Variants in DUS2 observed in about 807,000 individuals in gnomAD.
DUS2 encodes the protein tRNA-dihydrouridine(20) synthase [NAD(P)+]-like.
DUS2 carries 52 observed loss-of-function variants against 71.3 expected under a neutral mutation model. That is an observed-to-expected ratio of 0.73 (90% CI 0.58 to 0.92). The LOEUF (loss-of-function observed/expected upper bound fraction) is 0.92. DUS2 is among the 40% of genes least tolerant of loss of function. The pLI is 0.00. For synonymous variants in DUS2, 204 were observed against 227.8 expected, an observed-to-expected ratio of 0.90 and a Z score of 0.94; for missense variants, 558 against 622.6, an observed-to-expected ratio of 0.90 and a Z score of 1.10.
intron 13 of DUS2, 43 bp from the exon 14 acceptor site, chr16:68,075,312 G>T (rs891276780): frequency 6.6e-7 from 1 of 1,505,894 alleles, no homozygotes. Context: ...CTGGATGCTG[G>T]CTCCGCTAAA....
At chr16:68,029,452 T>C (rs1371010873) in intron 2 of DUS2, among the ~76,000 whole-genome samples, 1 of 151,942 alleles carries the variant, frequency 6.6e-6, no homozygotes, top group Non-Finnish European at 1.5e-5. Flanking sequence ...ATTTACACTT[T>C]TTTTATTTTT....
intron 3 of DUS2, among the ~76,000 whole-genome samples, chr16:68,042,619 C>T (rs2033646912): frequency 6.6e-6 from 1 of 152,210 alleles, no homozygotes; most frequent in Non-Finnish European, 1.5e-5. Context: ...AAGGGATCCT[C>T]CTACTTCAGC....
At position 68,070,947 on chromosome 16, in the gene DUS2, T is replaced by A. The variant is rs772031214; in HGVS notation, c.649T>A (p.Ser217Thr). Residue 217 changes from serine (S) to threonine (T), a missense_variant, in exon 12 of 17, where the codon TCT becomes ACT. Physicochemically the swap from Ser to Thr is moderately conservative, Grantham distance 58. Transcript: ENST00000565263. The part of the protein sequence containing the change: ...LSIPVIANGG[S>T]HDHIQQYSDI... ...CCTCTGGTTGCTTTTTAGCGGAGGATCTCATGACCACATCCAACAGTATTC... is the reference window on the plus strand; with the variant it reads ...CCTCTGGTTGCTTTTTAGCGGAGGAACTCATGACCACATCCAACAGTATTC... 6.2e-7 allele frequency: 1 copy of A among 1,614,096 alleles called. No individual in the cohort carries two copies. The highest frequency in any genetic ancestry group is 1.1e-5 in the South Asian group (1 of 91,076).
intron 10 of DUS2, among the ~76,000 whole-genome samples, chr16:68,068,321 G>A (rs1186887188): frequency 1.3e-5 from 2 of 152,198 alleles, no homozygotes; most frequent in Admixed American, 1.3e-4. Context: ...TTGGGTTGAA[G>A]CCAGGAGGGA....
Position 68,040,658 on chromosome 16 carries a change from C to T in DUS2, c.126+2509C>T, listed in dbSNP as rs149291053. Among the ~76,000 whole-genome samples, 1,227 of 152,206 alleles carry T rather than the reference C, an allele frequency of 8.1e-3. 16 individuals are homozygous for T. The highest frequency in any genetic ancestry group is 0.028 in the African/African-American group (1,149 of 41,508). The stretch of plus-strand genomic sequence containing the variant: ...GACCTAAGCCTTCCACCCAGATCTG[C>T]CACCTATGGAGAGCAGACAGGCAGG... On this transcript the variant is annotated intron_variant, in intron 3 of 16. Coordinates refer to ENST00000565263, the MANE Select transcript of DUS2 (RefSeq NM_017803.5).
At chr16:68,042,525 C>T (rs1027316906) in intron 3 of DUS2, among the ~76,000 whole-genome samples, 2 of 151,952 alleles carry the variant, frequency 1.3e-5, no homozygotes, top group African/African-American at 4.8e-5. Context: ...CTCAAAAATG[C>T]TTGTTTGATT....
At chr16:68,052,133 T>C (rs2033787450) in intron 4 of DUS2, among the ~76,000 whole-genome samples, 1 of 151,882 alleles carries the variant, frequency 6.6e-6, no homozygotes, top group South Asian at 2.1e-4. Context: ...TCGAACTCCC[T>C]AACCTCAGGT....
Position 68,039,602 on chromosome 16 carries a change from T to C in DUS2, c.126+1453T>C, listed in dbSNP as rs2151414274. ...CCTGGCTAATTTCTTTTTGTATTTTTAGTAGAGACGGGGTTTCACTGTGTT... is the reference window on the plus strand; with the variant it reads ...CCTGGCTAATTTCTTTTTGTATTTTCAGTAGAGACGGGGTTTCACTGTGTT... On this transcript the variant is annotated intron_variant, in intron 3 of 16. Coordinates refer to ENST00000565263, the MANE Select transcript of DUS2 (RefSeq NM_017803.5). 2.6e-5 allele frequency among the ~76,000 whole-genome samples: 4 copies of C among 152,150 alleles called. 1 individual carries two copies. Among genetic ancestry groups the C allele is most frequent in the Admixed American group, 2.6e-4 (4 of 15,256 alleles).
intron 10 of DUS2, among the ~76,000 whole-genome samples, chr16:68,068,984 C>T (rs1189018678): frequency 6.6e-6 from 1 of 152,044 alleles, no homozygotes; most frequent in Non-Finnish European, 1.5e-5. Flanking sequence ...TTTGAAGAAG[C>T]CCTTTGTGAC....
chr16:68,023,304 A>C lies in DUS2; in HGVS notation c.-146A>C, dbSNP rs1176257889. ...GGCTCAGTACGGTGTGTGGAGCTGG[A>C]GCACCGTGAGGAAGAAGCGAGGTTC... On this transcript the variant is annotated 5_prime_UTR_variant, in exon 1 of 17. Transcript: ENST00000565263. 7 of 1,336,008 alleles carry C rather than the reference A, an allele frequency of 5.2e-6. No individual in the cohort carries two copies. The highest frequency in any genetic ancestry group is 2.6e-4 in the Middle Eastern group (1 of 3,912). The allele number at this position is 1,336,008 out of a possible 1,614,324, so 82.8% of individuals were successfully genotyped here.
Position 68,038,038 on chromosome 16 carries a change from CCT to C in DUS2, c.22_23del (p.Leu8ValfsTer4), listed in dbSNP as rs1222921794. 5 of 1,613,304 alleles carry C rather than the reference CCT, an allele frequency of 3.1e-6. No individual in the cohort carries two copies. Among genetic ancestry groups the C allele is most frequent in the Non-Finnish European group, 4.2e-6 (5 of 1,179,732 alleles). The part of the protein sequence containing the change: MILNS[L>X]SLCYHNKLIL... The stretch of plus-strand genomic sequence containing the variant: ...CAGAGGAGGAAATGATTTTGAATAG[CCT>C]CTCTCTGTGTTACCATAATAAGCTA... On this transcript the variant is annotated frameshift_variant, in exon 3 of 17. Coordinates refer to ENST00000565263, the MANE Select transcript of DUS2 (RefSeq NM_017803.5). LOFTEE classifies it high-confidence loss of function.
chr16:68,068,584 CTTTTTTTTT>C (rs59827856), intron 10 of DUS2, among the ~76,000 whole-genome samples: 5 of 67,268 alleles, frequency 7.4e-5, no homozygotes, highest in Non-Finnish European at 1.1e-4. Context: ...CTTTCTCTCT[CTTTTTTTTT>C]TTTTTTTTTT....
At position 68,063,065 on chromosome 16, in the gene DUS2, G is replaced by A. The variant is rs1304842003; in HGVS notation, c.417+1952G>A. 2.0e-5 allele frequency among the ~76,000 whole-genome samples: 3 copies of A among 152,224 alleles called. No individual in the cohort carries two copies. The East Asian group carries it at 5.8e-4, about 29-fold the overall frequency. On this transcript the variant is annotated intron_variant, in intron 8 of 16. Coordinates refer to ENST00000565263, the MANE Select transcript of DUS2 (RefSeq NM_017803.5). ...CCTCCTCTCTTCTCAGACCCAGGCT[G>A]TTGGCTCTGTCCTCTCTACTGCCCC...
rs544626090 is a variant in DUS2, at chr16:68,049,699, C to T, written c.172+149C>T. ...TGCTCCCTTGAGAGCAGTCACTGAT[C>T]TCCAGAGGCCATGACAAAAAGCCTG... On this transcript the variant is annotated intron_variant, in intron 4 of 16. Transcript: ENST00000565263. 107 of 725,304 alleles carry T rather than the reference C, an allele frequency of 1.5e-4. No individual in the cohort carries two copies. In the South Asian group the frequency reaches 1.6e-3, roughly 11 times the overall value. 44.9% of individuals were successfully genotyped at this position (725,304 alleles called of 1,614,324 possible). A position where few individuals can be genotyped will look rare whatever the true frequency, so the allele number is the denominator to read the frequency against.
intron 7 of DUS2, among the ~76,000 whole-genome samples, chr16:68,059,973 G>A (rs956693905): frequency 6.6e-6 from 1 of 152,114 alleles, no homozygotes; most frequent in Non-Finnish European, 1.5e-5. Context: ...CCATTTCCTG[G>A]GGCTTTGGTT....
At chr16:68,033,185 T>C (rs2033465944) in intron 2 of DUS2, among the ~76,000 whole-genome samples, 2 of 151,972 alleles carry the variant, frequency 1.3e-5, no homozygotes, top group Admixed American at 6.6e-5. Context: ...GGAGACACAT[T>C]TGGGGGCTGT....
intron 7 of DUS2, among the ~76,000 whole-genome samples, chr16:68,057,639 G>T (rs1057508566): frequency 2.6e-5 from 4 of 151,950 alleles, no homozygotes; most frequent in Non-Finnish European, 5.9e-5. Flanking sequence ...CAGCACTTTG[G>T]GAGGCTGAGG....
At chr16:68,035,320 T>G (rs2033500956) in intron 2 of DUS2, among the ~76,000 whole-genome samples, 1 of 152,168 alleles carries the variant, frequency 6.6e-6, no homozygotes, top group African/African-American at 2.4e-5. Flanking sequence ...CCTACAAGGC[T>G]CTACATGATC....
intron 4 of DUS2, 94 bp downstream of exon 4, chr16:68,049,644 T>G (rs2033752135): frequency 1.5e-5 from 17 of 1,152,016 alleles, no homozygotes; most frequent in Non-Finnish European, 2.1e-5. Flanking sequence ...GTGTCTTGCC[T>G]GGCTTCATTG....
Sources: allele counts gnomAD v4.1 joint callset (sites outside exome capture counted in the v4.1 genomes callset), GRCh38; gene constraint gnomAD v4.1.1; transcripts MANE v1.5; gene names NCBI Gene and HGNC (gene_info 2026-07-23, HGNC 2026-07-21).